ZNF227: variants seen among roughly 807,000 people sequenced by gnomAD.
ZNF227 encodes the protein zinc finger protein 227.
ZNF227 carries 12 observed loss-of-function variants against 13.2 expected under a neutral mutation model. That is an observed-to-expected ratio of 0.91 (90% CI 0.58 to 1.47). ZNF227 has a LOEUF of 1.47. ZNF227 is among the 40% of genes most tolerant of loss of function. ZNF227 has a pLI of 0.00. For missense variants in ZNF227, 885 were observed against 967.5 expected (o/e 0.91, Z 1.13); for synonymous variants, 338 against 326.0 (o/e 1.04, Z -0.40).
Position 44,235,298 on chromosome 19 carries a change from A to C in ZNF227, c.868A>C (p.Ile290Leu). The C allele has an allele frequency of 1.2e-6, 2 of 1,614,206 alleles. No homozygotes were observed. Among genetic ancestry groups the C allele is most frequent in the Non-Finnish European group, 1.7e-6 (2 of 1,180,030 alleles). ...QSSHLRTHQR[I>L]HPGEKLNRCH... ...CTCACATCTGCGAACTCATCAGAGA[A>C]TTCACCCAGGAGAGAAACTCAATAG... The change falls in exon 6 of 6, where the codon ATT (isoleucine) becomes CTT (leucine). Residue 290 changes from isoleucine (I) to leucine (L), a missense_variant. Transcript: ENST00000313040.
chr19:44,232,857 G>A (rs1251448065), intron 5 of ZNF227, among the ~76,000 whole-genome samples: 4 of 151,924 alleles, frequency 2.6e-5, no homozygotes, highest in Non-Finnish European at 5.9e-5. Flanking sequence ...TAGCGGAGAC[G>A]GGGTTTCACC....
chr19:44,228,314 C>T, intron 3 of ZNF227, 132 bp from the exon 4 acceptor site: 1 of 1,003,188 alleles, frequency 1.0e-6, no homozygotes, highest in Non-Finnish European at 1.4e-6. Flanking sequence ...AAAACTGTAA[C>T]AGCTGAAAAT....
At chr19:44,226,900 C>T (rs1973227254) in intron 3 of ZNF227, among the ~76,000 whole-genome samples, 1 of 152,212 alleles carries the variant, frequency 6.6e-6, no homozygotes, top group Non-Finnish European at 1.5e-5. Flanking sequence ...GGAGCTGTTC[C>T]TATTCAGCCA....
At position 44,237,114 on chromosome 19, in the gene ZNF227, G is replaced by T. The variant is rs1302914578; in HGVS notation, c.*284G>T. On this transcript the variant is annotated 3_prime_UTR_variant, in exon 6 of 6. Coordinates refer to ENST00000313040, the MANE Select transcript of ZNF227 (RefSeq NM_182490.3). ...TATGCCTGAAGATAATGTGTGGAAG[G>T]ATATTTGCCATATGCTAACTGGTTT... 1.8e-5 allele frequency: 5 copies of T among 285,446 alleles called. No individual in the cohort carries two copies. The highest frequency in any genetic ancestry group is 3.2e-5 in the Non-Finnish European group (5 of 153,958). 17.7% of individuals were successfully genotyped at this position (285,446 alleles called of 1,614,324 possible).
At chr19:44,226,350 CT>C (rs1208908724) in intron 3 of ZNF227, among the ~76,000 whole-genome samples, 13 of 152,202 alleles carry the variant, frequency 8.5e-5, no homozygotes, top group African/African-American at 2.9e-4. Context: ...TTATTGCTGT[CT>C]TTTTGTTTGT....
rs746689231 is a variant in ZNF227 at position 44,234,952 on chromosome 19, C to G, written c.522C>G (p.Thr174=). ...IENQEFPFWR[T]QHSCGNTYLS... ...ATCAAGAGTTTCCATTTTGGAGAAC[C>G]CAGCATTCTTGCGGGAATACATATC... Residue 174 remains threonine, a synonymous_variant, in exon 6 of 6, where the codon ACC becomes ACG. Coordinates refer to ENST00000313040, the MANE Select transcript of ZNF227 (RefSeq NM_182490.3). 6.2e-7 allele frequency: 1 copy of G among 1,613,880 alleles called. No homozygotes were observed. Among genetic ancestry groups the G allele is most frequent in the Non-Finnish European group, 8.5e-7 (1 of 1,179,982 alleles).
chr19:44,231,949 A>G (rs567089204), intron 5 of ZNF227, among the ~76,000 whole-genome samples: 7 of 152,322 alleles, frequency 4.6e-5, no homozygotes, highest in South Asian at 2.1e-4. Context: ...CCCTGTATCA[A>G]TTTCAAGTTG....
upstream of ZNF227, among the ~76,000 whole-genome samples, chr19:44,211,310 G>C (rs1367142401): frequency 6.6e-6 from 1 of 152,052 alleles, no homozygotes; most frequent in East Asian, 1.9e-4. Context: ...ACTAGTTCCT[G>C]GCACATACTT....
rs1356509608 is a variant in ZNF227, at chr19:44,235,821, A to G, written c.1391A>G (p.Tyr464Cys). The stretch of plus-strand genomic sequence containing the variant: ...AGAGTCCACACAGGAGAGAAGCCAT[A>G]CAAGTGTGAGGCGTGTGGGAAAGGC... ...HRRVHTGEKP[Y>C]KCEACGKGFT... Residue 464 changes from tyrosine to cysteine, a missense_variant, in exon 6 of 6, where the codon TAC (tyrosine) becomes TGC (cysteine). Coordinates refer to ENST00000313040, the MANE Select transcript of ZNF227 (RefSeq NM_182490.3). 1 of 1,613,916 alleles carries G rather than the reference A, an allele frequency of 6.2e-7. No individual in the cohort carries two copies. Among genetic ancestry groups the G allele is most frequent in the East Asian group, 2.2e-5 (1 of 44,884 alleles).
chr19:44,230,926 A>AAAAAAAAAAATATAT (rs1555792168), intron 5 of ZNF227, among the ~76,000 whole-genome samples: 1 of 68,116 alleles, frequency 1.5e-5, no homozygotes, highest in Admixed American at 2.2e-4. Context: ...AAAAAAAAAA[A>AAAAAAAAAAATATAT]ATATATATAT....
chr19:44,221,794 T>C (rs955842176), intron 3 of ZNF227, among the ~76,000 whole-genome samples: 4 of 152,236 alleles, frequency 2.6e-5, no homozygotes, highest in African/African-American at 9.6e-5. Context: ...ATTTTGGCTT[T>C]TGTTGCCATT....
chr19:44,235,512 T>G lies in ZNF227; in HGVS notation c.1082T>G (p.Phe361Cys). Reference sequence around the variant, plus strand: ...AAATGCGAGGAATGTGGTAAATGCTTTAGTCAAAGTTCAAATTTTCAGTGC... The same window carrying G: ...AAATGCGAGGAATGTGGTAAATGCTGTAGTCAAAGTTCAAATTTTCAGTGC... ...PYKCEECGKC[F>C]SQSSNFQCHQ... is the part of the protein sequence containing the mutation. Residue 361 changes from phenylalanine to cysteine, a missense_variant, in exon 6 of 6, where the codon TTT becomes TGT. Physicochemically the swap from Phe to Cys is radical, Grantham distance 205. Transcript: ENST00000313040. The G allele has an allele frequency of 2.5e-6, 4 of 1,614,134 alleles. No homozygotes were observed. Among genetic ancestry groups the G allele is most frequent in the Non-Finnish European group, 3.4e-6 (4 of 1,180,034 alleles).
At position 44,236,685 on chromosome 19, in the gene ZNF227, G is replaced by C. The variant is rs773640035; in HGVS notation, c.2255G>C (p.Gly752Ala). The change falls in exon 6 of 6, where the codon GGC becomes GCC. Residue 752 changes from glycine to alanine, a missense_variant. Physicochemically the swap from Gly to Ala is moderately conservative, Grantham distance 60 (BLOSUM62 0). Coordinates refer to ENST00000313040, the MANE Select transcript of ZNF227 (RefSeq NM_182490.3). The stretch of plus-strand genomic sequence containing the variant: ...TTTAAATGTGAAGAGTGTGGTAAAG[G>C]CTTCAGTCAGAGTGCACGTCTTGAA... ...KLFKCEECGK[G>A]FSQSARLEAH... 1.2e-6 allele frequency: 2 copies of C among 1,613,912 alleles called. No individual in the cohort carries two copies. The highest frequency in any genetic ancestry group is 2.2e-5 in the South Asian group (2 of 91,074).
At position 44,229,047 on chromosome 19, in the gene ZNF227, A is replaced by G. The variant is rs73934496; in HGVS notation, c.187+475A>G. On this transcript the variant is annotated intron_variant, in intron 4 of 5. Transcript: ENST00000313040. Reference sequence around the variant, plus strand: ...GTTGTCTTTCAAATGAAACCCATCAATGCATTAACTTAGTGCACTGTACTG... The same window carrying G: ...GTTGTCTTTCAAATGAAACCCATCAGTGCATTAACTTAGTGCACTGTACTG... 8.9e-3 allele frequency: 1,463 copies of G among 163,504 alleles called. 30 individuals are homozygous for G. The highest frequency in any genetic ancestry group is 0.033 in the African/African-American group (1,393 of 42,026). 10.1% of individuals were successfully genotyped at this position (163,504 alleles called of 1,614,324 possible).
At chr19:44,217,962 C>A (rs1203441471) in intron 3 of ZNF227, 110 bp downstream of exon 3, 2 of 1,228,030 alleles carry the variant, frequency 1.6e-6, no homozygotes, top group African/African-American at 1.5e-5. Context: ...ATATTCAGGA[C>A]ATGTGGTATG....
At chr19:44,219,505 AAG>A (rs768288629) in intron 3 of ZNF227, among the ~76,000 whole-genome samples, 5 of 152,024 alleles carry the variant, frequency 3.3e-5, no homozygotes, top group Non-Finnish European at 5.9e-5. Flanking sequence ...TCATAAAGAA[AAG>A]AAATTTATGA....
At chr19:44,229,605 CTG>C in intron 4 of ZNF227, 126 bp from the exon 5 acceptor site, 1 of 451,270 alleles carries the variant, frequency 2.2e-6, no homozygotes, top group Non-Finnish European at 3.5e-6. Flanking sequence ...GAGTGAGACT[CTG>C]TCTCAAAATA....
intron 5 of ZNF227, among the ~76,000 whole-genome samples, chr19:44,232,425 T>C (rs1000765035): frequency 6.6e-6 from 1 of 152,064 alleles, no homozygotes; most frequent in Non-Finnish European, 1.5e-5. Flanking sequence ...AATTTGGGAG[T>C]TCCCGTGATA....
rs749804935 is a variant in ZNF227, at chr19:44,235,125, G to A, written c.695G>A (p.Gly232Asp). 1 of 1,614,098 alleles carries A rather than the reference G, an allele frequency of 6.2e-7. No homozygotes were observed. The highest frequency in any genetic ancestry group is 8.5e-7 in the Non-Finnish European group (1 of 1,180,026). The change falls in exon 6 of 6, where the codon GGC becomes GAC. Residue 232 changes from glycine (G) to aspartate (D), a missense_variant. By Grantham distance (94) the Gly-to-Asp change is moderately conservative. Coordinates refer to ENST00000313040, the MANE Select transcript of ZNF227 (RefSeq NM_182490.3). ...AAACCCTGCAAAGGTAATGAATATG[G>A]CAAAATCATTAGTGATGGCTCCAAT... ...EPKPCKGNEYGKIISDGSNQK... is the reference protein window; with the variant it reads ...EPKPCKGNEYDKIISDGSNQK...
Sources: gnomAD v4.1 joint callset for allele counts (sites outside exome capture counted in the v4.1 genomes callset) on GRCh38, gnomAD v4.1.1 for gene constraint, MANE v1.5 for transcripts, NCBI Gene and HGNC (gene_info 2026-07-23, HGNC 2026-07-21) for gene names.